Variants in MAP3K15 observed in about 807,000 individuals in gnomAD.
The protein encoded by MAP3K15 is mitogen-activated protein kinase kinase kinase 15.
A neutral mutation model predicts 99.5 loss-of-function variants in MAP3K15; 124 were observed. The ratio of observed to expected loss-of-function variants is 1.25; its 90% CI spans 1.08 to 1.45. The LOEUF is 1.45. Among genes scored for constraint, MAP3K15 ranks in the 40% most tolerant of loss-of-function variants. The probability of loss-of-function intolerance (pLI) is 0.00; values close to 1 mark genes in which losing one functional copy is unlikely to be tolerated. For synonymous variants in MAP3K15, 494 were observed against 439.6 expected (o/e 1.12, Z -1.55); for missense variants, 1,242 against 1,079.7 (o/e 1.15, Z -2.11).
intron 26 of MAP3K15, 112 bp downstream of exon 26, chrX:19,362,626 T>A: frequency 4.1e-6 from 2 of 491,449 alleles, no homozygotes; most frequent in Admixed American, 6.3e-5. Flanking sequence ...TGAGAAGTAG[T>A]CTAGAATCTA....
At chrX:19,477,596 G>GCTA (rs2064251709) in intron 3 of MAP3K15, among the ~76,000 whole-genome samples, 1 of 100,483 alleles carries the variant, frequency 1.0e-5, no homozygotes, top group Non-Finnish European at 2.0e-5. Flanking sequence ...TATAATCCCA[G>GCTA]CTACTCAGGA....
intron 1 of MAP3K15, 82 bp from the exon 2 acceptor site, chrX:19,489,049 C>A: frequency 1.1e-6 from 1 of 878,787 alleles, no homozygotes; most frequent in Non-Finnish European, 1.6e-6. Context: ...CAGTGAGGAG[C>A]TATAGCAATG....
Position 19,415,131 on chromosome X carries a change from T to A in MAP3K15, c.1566A>T (p.Glu522Asp). Residue 522 changes from glutamate to aspartate, a missense_variant, in exon 10 of 29, where the codon GAA (glutamate) becomes GAT (aspartate). Physicochemically the swap from Glu to Asp is conservative, Grantham distance 45 (BLOSUM62 2). Transcript: ENST00000338883. The part of the protein sequence containing the change: ...WLDIIFEATN[E>D]VTNGLRFPVL... The stretch of plus-strand genomic sequence containing the variant: ...CTGGAAATCTGAGTCCATTAGTGAC[T>A]TCATTTGTTGCCTCAAAAATTATAT... 8.5e-7 allele frequency: 1 copy of A among 1,172,768 alleles called. No individual in the cohort carries two copies.
Position 19,473,944 on chromosome X carries a change from T to C in MAP3K15, c.526-9538A>G, listed in dbSNP as rs192738669. On this transcript the variant is annotated intron_variant, in intron 3 of 28. Transcript: ENST00000338883. ...TATATATAGGATACTTAACCATTCT[T>C]CTATTGCCTAACTTTGTTTGTTTTG... is the stretch of plus-strand genomic sequence containing the variant. Among the ~76,000 whole-genome samples the C allele has an allele frequency of 2.4e-3, 267 of 112,493 alleles. 1 individual carries two copies. Among genetic ancestry groups the C allele is most frequent in the African/African-American group, 8.3e-3 (257 of 31,036 alleles).
intron 3 of MAP3K15, among the ~76,000 whole-genome samples, chrX:19,477,227 C>A (rs1035579187): frequency 9.0e-6 from 1 of 110,595 alleles, no homozygotes; most frequent in Non-Finnish European, 1.9e-5. Flanking sequence ...TGACATTACC[C>A]CTCTGATATT....
chrX:19,445,250 G>A (rs965331882), intron 6 of MAP3K15, among the ~76,000 whole-genome samples: 2 of 110,017 alleles, frequency 1.8e-5, no homozygotes, highest in East Asian at 5.7e-4. Flanking sequence ...TTGGGGTGGG[G>A]GGAGACCTAG....
intron 19 of MAP3K15, among the ~76,000 whole-genome samples, chrX:19,377,818 A>G (rs903560166): frequency 8.9e-6 from 1 of 112,364 alleles, no homozygotes; most frequent in Non-Finnish European, 1.9e-5. Context: ...GCACACGGTC[A>G]AAGTGCTGAG....
chrX:19,390,494 G>A (rs182980746), intron 18 of MAP3K15, among the ~76,000 whole-genome samples: 2,241 of 100,253 alleles, frequency 0.022, 76 homozygotes, highest in African/African-American at 0.078. Context: ...TATAATATAT[G>A]TTATATACAT....
intron 8 of MAP3K15, 78 bp downstream of exon 8, chrX:19,426,153 C>T (rs2063827895): frequency 4.1e-6 from 2 of 492,887 alleles, no homozygotes; most frequent in Non-Finnish European, 6.4e-6. Context: ...TGATATAATG[C>T]TAGTTATTTC....
chrX:19,371,069 A>G lies in MAP3K15; in HGVS notation c.3295-5T>C, dbSNP rs754160059. On this transcript the variant is annotated splice_region_variant and splice_polypyrimidine_tract_variant and intron_variant, in intron 23 of 28. Transcript: ENST00000338883. ...GTTCCTCAAAATTTTATTTACCTAA[A>G]AAAAAAAAAAATAATAAAATAAACT... 5.6e-6 allele frequency: 6 copies of G among 1,072,226 alleles called. No individual in the cohort carries two copies. In the African/African-American group the frequency reaches 5.9e-5, roughly 11 times the overall value. The allele number at this position is 1,072,226 out of a possible 1,213,427, so 88.4% of individuals were successfully genotyped here.
chrX:19,489,324 C>T (rs1431283142), intron 1 of MAP3K15, among the ~76,000 whole-genome samples: 3 of 111,077 alleles, frequency 2.7e-5, no homozygotes, highest in East Asian at 2.8e-4. Flanking sequence ...TCTGTGCAGC[C>T]CAAGTCAGAG....
intron 20 of MAP3K15, among the ~76,000 whole-genome samples, chrX:19,374,218 A>G (rs1225896824): frequency 9.0e-6 from 1 of 111,501 alleles, no homozygotes; most frequent in Non-Finnish European, 1.9e-5. Context: ...TCCCGAAGGA[A>G]CAACTTCCAG....
At chrX:19,383,223 C>T (rs1532366) in intron 18 of MAP3K15, among the ~76,000 whole-genome samples, 22,904 of 111,641 alleles carry the variant, frequency 0.21, 4,435 homozygotes, top group African/African-American at 0.62. Context: ...TTCTGCCTTT[C>T]TGGTTTTTGG....
intron 3 of MAP3K15, among the ~76,000 whole-genome samples, chrX:19,486,090 T>C (rs771964051): frequency 9.0e-6 from 1 of 111,462 alleles, no homozygotes; most frequent in Admixed American, 9.6e-5. Flanking sequence ...GCATACAACT[T>C]CACGTTCCTC....
intron 6 of MAP3K15, among the ~76,000 whole-genome samples, chrX:19,456,121 T>C (rs975244071): frequency 9.0e-6 from 1 of 110,954 alleles, no homozygotes; most frequent in African/African-American, 3.3e-5. Flanking sequence ...TTTGCCGATG[T>C]CTACTACAAG....
Position 19,416,058 on chromosome X carries a change from C to T in MAP3K15, c.1440-801G>A, listed in dbSNP as rs188040017. 3.0e-3 allele frequency among the ~76,000 whole-genome samples: 332 copies of T among 111,918 alleles called. 1 individual carries two copies. The highest frequency in any genetic ancestry group is 0.01 in the African/African-American group (317 of 30,832). On this transcript the variant is annotated intron_variant, in intron 9 of 28. Transcript: ENST00000338883. ...TAAAACTCCACCATGTGGCCAGGTG[C>T]GGTGGCTCACACCTGTAATCCCAGC...
At chrX:19,378,515 T>A (rs2063436371) in intron 19 of MAP3K15, among the ~76,000 whole-genome samples, 1 of 111,684 alleles carries the variant, frequency 9.0e-6, no homozygotes, top group Non-Finnish European at 1.9e-5. Flanking sequence ...AAGCCCCTTA[T>A]AAAACCATCA....
intron 19 of MAP3K15, among the ~76,000 whole-genome samples, chrX:19,377,851 C>A (rs994920414): frequency 5.3e-5 from 6 of 112,488 alleles, no homozygotes; most frequent in African/African-American, 1.9e-4. Flanking sequence ...TGTCTTCCAG[C>A]CCAGGAGCTG....
intron 25 of MAP3K15, among the ~76,000 whole-genome samples, chrX:19,364,463 TCA>T (rs2063319807): frequency 9.0e-6 from 1 of 111,462 alleles, no homozygotes; most frequent in South Asian, 3.8e-4. Flanking sequence ...CCTCCCTCTC[TCA>T]GTCCATTCTC....
Sources: allele counts gnomAD v4.1 joint callset (sites outside exome capture counted in the v4.1 genomes callset), GRCh38; gene constraint gnomAD v4.1.1; transcripts MANE v1.5; gene names NCBI Gene and HGNC (gene_info 2026-07-23, HGNC 2026-07-21).